Variants in NEK10 observed in about 807,000 individuals in gnomAD.
The protein encoded by NEK10 is serine/threonine-protein kinase Nek10.
Under a neutral mutation model 159.8 loss-of-function variants are expected in NEK10, and 122 were observed. The observed-to-expected ratio is 0.76, with a 90% CI of 0.66 to 0.89. The LOEUF is 0.89. NEK10 is among the 40% of genes least tolerant of loss of function. NEK10 has a pLI of 0.00. For synonymous variants in NEK10, 466 were observed against 457.1 expected, an observed-to-expected ratio of 1.02 and a Z score of -0.25; for missense variants, 1,342 against 1,323.1, an observed-to-expected ratio of 1.01 and a Z score of -0.22.
intron 1 of NEK10, among the ~76,000 whole-genome samples, chr3:27,365,150 A>G (rs894088525): frequency 3.3e-5 from 5 of 152,228 alleles, no homozygotes; most frequent in Non-Finnish European, 7.3e-5. Context: ...ATAAAGAAAT[A>G]TTATTTTATT....
chr3:27,341,500 A>T (rs2047201466), intron 5 of NEK10, among the ~76,000 whole-genome samples: 1 of 152,156 alleles, frequency 6.6e-6, no homozygotes, highest in Non-Finnish European at 1.5e-5. Context: ...TTATAAATAA[A>T]TACTATTATA....
chr3:27,322,185 A>G lies in NEK10; in HGVS notation c.439T>C (p.Cys147Arg). 1 of 1,540,150 alleles carries G rather than the reference A, an allele frequency of 6.5e-7. No homozygotes were observed. The highest frequency in any genetic ancestry group is 8.8e-7 in the Non-Finnish European group (1 of 1,131,044). ...GTATTTTTCCAACCAACCTGATAAC[A>G]TGGATCCCTCATTAGTAGCCTCAGA... is the stretch of plus-strand genomic sequence containing the variant. ...ICLRLLMRDP[C>R]YQEILHSLGG... The change falls in exon 6 of 36, where the codon TGT becomes CGT. Residue 147 changes from cysteine (C) to arginine (R), a missense_variant. Coordinates refer to ENST00000691995, the MANE Select transcript of NEK10 (RefSeq NM_001394966.1).
intron 32 of NEK10, among the ~76,000 whole-genome samples, chr3:27,129,674 T>C (rs1346321046): frequency 6.6e-6 from 1 of 152,146 alleles, no homozygotes; most frequent in African/African-American, 2.4e-5. Context: ...TTATATATCC[T>C]ATCTCCAATT....
At chr3:27,193,600 A>ATTT (rs141331589) in intron 25 of NEK10, among the ~76,000 whole-genome samples, 3 of 55,064 alleles carry the variant, frequency 5.4e-5, no homozygotes, top group Non-Finnish European at 9.1e-5. Flanking sequence ...CATATGCTTG[A>ATTT]TTTTTTTTTT....
chr3:27,318,735 C>T (rs540659460), intron 6 of NEK10, among the ~76,000 whole-genome samples: 23 of 152,250 alleles, frequency 1.5e-4, no homozygotes, highest in Non-Finnish European at 2.8e-4. Context: ...AAACTGTACA[C>T]GGGCCCACAC....
intron 26 of NEK10, among the ~76,000 whole-genome samples, chr3:27,182,838 T>C (rs115237104): frequency 0.024 from 3,650 of 151,960 alleles, 65 homozygotes; most frequent in Non-Finnish European, 0.031. Context: ...GAAAGAGAAA[T>C]ACAAAATGTT....
At chr3:27,144,118 T>G (rs988560725) in intron 30 of NEK10, among the ~76,000 whole-genome samples, 8 of 152,226 alleles carry the variant, frequency 5.3e-5, no homozygotes, top group African/African-American at 1.9e-4. Flanking sequence ...TCTTCCTCCC[T>G]TCTTTCCTCC....
chr3:27,351,088 A>G (rs551302734), intron 3 of NEK10, among the ~76,000 whole-genome samples: 300 of 152,296 alleles, frequency 2.0e-3, no homozygotes, highest in Admixed American at 3.3e-3. Flanking sequence ...GCAGTAAAAG[A>G]AGGAGCCTTG....
intron 23 of NEK10, among the ~76,000 whole-genome samples, chr3:27,229,610 A>G (rs892667922): frequency 6.6e-6 from 1 of 152,180 alleles, no homozygotes; most frequent in Non-Finnish European, 1.5e-5. Context: ...ACCAACATAA[A>G]GAAATTTTTT....
intron 30 of NEK10, among the ~76,000 whole-genome samples, chr3:27,144,333 A>C (rs1944084373): frequency 6.6e-6 from 1 of 152,210 alleles, no homozygotes; most frequent in Admixed American, 6.5e-5. Flanking sequence ...CCTAGTGGAC[A>C]CTTCCTTTGC....
chr3:27,212,778 G>A (rs1951120191), intron 23 of NEK10, among the ~76,000 whole-genome samples: 5 of 152,294 alleles, frequency 3.3e-5, no homozygotes, highest in Admixed American at 2.6e-4. Context: ...GGTTGGTGGT[G>A]GACTAAAAGA....
chr3:27,174,920 G>A, intron 26 of NEK10, 87 bp from the exon 27 acceptor site: 1 of 1,075,634 alleles, frequency 9.3e-7, no homozygotes, highest in Non-Finnish European at 1.3e-6. Context: ...TATATTAACT[G>A]CTTCAAATAT....
chr3:27,215,208 C>G (rs1448477620), intron 23 of NEK10, among the ~76,000 whole-genome samples: 5 of 152,160 alleles, frequency 3.3e-5, no homozygotes, highest in African/African-American at 1.2e-4. Flanking sequence ...TCTTTCTGCA[C>G]AATATAGATT....
chr3:27,246,354 A>G (rs377080978), intron 23 of NEK10, among the ~76,000 whole-genome samples: 145 of 152,186 alleles, frequency 9.5e-4, no homozygotes, highest in African/African-American at 3.4e-3. Flanking sequence ...ATTTTTTCTG[A>G]TCCTCTCTCT....
At chr3:27,138,532 AT>A (rs1320013724) in intron 31 of NEK10, among the ~76,000 whole-genome samples, 1 of 152,058 alleles carries the variant, frequency 6.6e-6, no homozygotes, top group Non-Finnish European at 1.5e-5. Flanking sequence ...CATCCTTTAG[AT>A]TTCTCTTCCC....
intron 22 of NEK10, chr3:27,265,622 C>T: frequency 6.6e-6 from 1 of 152,162 alleles, no homozygotes; most frequent in East Asian, 1.9e-4. Flanking sequence ...CATCCTTGTG[C>T]ACGGGCCATG....
chr3:27,320,747 A>C (rs1206365901), intron 6 of NEK10, among the ~76,000 whole-genome samples: 1 of 152,216 alleles, frequency 6.6e-6, no homozygotes, highest in Non-Finnish European at 1.5e-5. Context: ...TTACAATAGC[A>C]CGAGGCCAGT....
chr3:27,227,609 T>C (rs923724503), intron 23 of NEK10, among the ~76,000 whole-genome samples: 1 of 152,198 alleles, frequency 6.6e-6, no homozygotes, highest in Non-Finnish European at 1.5e-5. Context: ...ACATGGTGGC[T>C]GAAGGGGTAC....
At chr3:27,158,832 A>G (rs1249040567) in intron 30 of NEK10, among the ~76,000 whole-genome samples, 1 of 152,210 alleles carries the variant, frequency 6.6e-6, no homozygotes, top group Non-Finnish European at 1.5e-5. Flanking sequence ...ATAACATTAT[A>G]GTATGTACTT....
Sources: gnomAD v4.1 joint callset for allele counts (sites outside exome capture counted in the v4.1 genomes callset) on GRCh38, gnomAD v4.1.1 for gene constraint, MANE v1.5 for transcripts, NCBI Gene and HGNC (gene_info 2026-07-23, HGNC 2026-07-21) for gene names.